Variants in PPP1CB observed in about 807,000 individuals in gnomAD.
The protein encoded by PPP1CB is protein phosphatase 1 catalytic subunit beta, also known as serine/threonine-protein phosphatase PP1-beta catalytic subunit.
PPP1CB carries 2 observed loss-of-function variants against 43.7 expected under a neutral mutation model. The observed-to-expected ratio is 0.05, with a 90% CI of 0.02 to 0.14. PPP1CB has a LOEUF of 0.14. Ranked by LOEUF, PPP1CB falls within the 10% of genes least tolerant of loss-of-function variation. PPP1CB has a pLI of 1.00. For missense variants in PPP1CB, 84 were observed against 398.0 expected (o/e 0.21, Z 6.71); for synonymous variants, 136 against 135.6 (o/e 1.00, Z -0.02).
Position 28,752,029 on chromosome 2 carries a change from G to A in PPP1CB, c.-96G>A, listed in dbSNP as rs997026989. The A allele has an allele frequency of 3.3e-5, 40 of 1,213,084 alleles. No homozygotes were observed. In the African/African-American group the frequency reaches 3.6e-4, roughly 11 times the overall value. The allele number at this position is 1,213,084 out of a possible 1,614,324, so 75.1% of individuals were successfully genotyped here. A position where few individuals can be genotyped will look rare whatever the true frequency, so the allele number is the denominator to read the frequency against. On this transcript the variant is annotated 5_prime_UTR_variant, in exon 1 of 8. Transcript: ENST00000395366. ...TGGAGCCGGGGTCGAAACGCCGCGT[G>A]ACTTGTAGGTGAGAGAACGCCGAGC...
chr2:28,752,199 G>A (rs1666314797), intron 1 of PPP1CB, 23 bp downstream of exon 1: 2 of 1,530,396 alleles, frequency 1.3e-6, no homozygotes, highest in Non-Finnish European at 1.8e-6. Flanking sequence ...CTGGCCGCGG[G>A]ACAGAGGGAG....
At chr2:28,773,312 T>G in intron 1 of PPP1CB, among the ~76,000 whole-genome samples, 1 of 152,134 alleles carries the variant, frequency 6.6e-6, no homozygotes, top group East Asian at 1.9e-4. Context: ...TCCAAAAATT[T>G]TATGTGGTGA....
intron 1 of PPP1CB, among the ~76,000 whole-genome samples, chr2:28,772,744 T>C (rs1023912980): frequency 1.3e-5 from 2 of 152,226 alleles, no homozygotes; most frequent in Admixed American, 1.3e-4. Flanking sequence ...GTATTTGTAT[T>C]ATACTTACCA....
At chr2:28,762,847 A>G (rs1265822899) in intron 1 of PPP1CB, among the ~76,000 whole-genome samples, 1 of 152,246 alleles carries the variant, frequency 6.6e-6, no homozygotes, top group Non-Finnish European at 1.5e-5. Flanking sequence ...TAATGTTACA[A>G]GATCTCATCA....
chr2:28,770,580 C>A (rs1666885044), intron 1 of PPP1CB, among the ~76,000 whole-genome samples: 1 of 151,712 alleles, frequency 6.6e-6, no homozygotes, highest in Non-Finnish European at 1.5e-5. Context: ...TAGTATAGGT[C>A]TAAAACTAAA....
At chr2:28,760,075 A>C (rs978621145) in intron 1 of PPP1CB, among the ~76,000 whole-genome samples, 1 of 152,188 alleles carries the variant, frequency 6.6e-6, no homozygotes, top group South Asian at 2.1e-4. Flanking sequence ...TGGAGGCGGA[A>C]TATAGTGTTA....
intron 1 of PPP1CB, among the ~76,000 whole-genome samples, chr2:28,762,549 G>A (rs144223120): frequency 4.3e-4 from 65 of 152,264 alleles, no homozygotes; most frequent in African/African-American, 1.5e-3. Context: ...TTTAATAGCT[G>A]TTCTAGATAA....
At chr2:28,769,723 A>T (rs183936319) in intron 1 of PPP1CB, among the ~76,000 whole-genome samples, 1 of 152,340 alleles carries the variant, frequency 6.6e-6, no homozygotes, top group East Asian at 1.9e-4. Context: ...CGACAACTGT[A>T]GAACAAAAGG....
chr2:28,752,498 CGTG>C (rs1196289482), intron 1 of PPP1CB, among the ~76,000 whole-genome samples: 1 of 152,190 alleles, frequency 6.6e-6, no homozygotes, highest in Non-Finnish European at 1.5e-5. Flanking sequence ...CTCCGCGCGC[CGTG>C]GTGCTCGCCT....
At chr2:28,783,850 T>G in intron 4 of PPP1CB, 57 bp from the exon 5 acceptor site, 3 of 1,160,146 alleles carry the variant, frequency 2.6e-6, no homozygotes, top group Non-Finnish European at 3.9e-6. Flanking sequence ...ATTCGGTGAC[T>G]GTTAAAATAT....
At chr2:28,786,447 G>A (rs1667267334) in intron 5 of PPP1CB, among the ~76,000 whole-genome samples, 1 of 152,094 alleles carries the variant, frequency 6.6e-6, no homozygotes, top group South Asian at 2.1e-4. Context: ...TAAGGTTAAA[G>A]AATTCCAGAT....
chr2:28,760,030 A>G (rs1666605719), intron 1 of PPP1CB, among the ~76,000 whole-genome samples: 1 of 152,152 alleles, frequency 6.6e-6, no homozygotes, highest in South Asian at 2.1e-4. Context: ...GGCTCCATGC[A>G]TGTTACTGCC....
At chr2:28,774,711 C>T (rs1258335607) in intron 1 of PPP1CB, among the ~76,000 whole-genome samples, 1 of 152,182 alleles carries the variant, frequency 6.6e-6, no homozygotes, top group East Asian at 1.9e-4. Context: ...CAGGCATGAG[C>T]CACCGCACCT....
chr2:28,767,345 T>C (rs1334792288), intron 1 of PPP1CB, among the ~76,000 whole-genome samples: 1 of 152,122 alleles, frequency 6.6e-6, no homozygotes, highest in Non-Finnish European at 1.5e-5. Context: ...TCTGGTAACA[T>C]CAGTATATGT....
intron 5 of PPP1CB, among the ~76,000 whole-genome samples, chr2:28,786,145 C>T (rs1271598040): frequency 6.6e-6 from 1 of 152,216 alleles, no homozygotes; most frequent in South Asian, 2.1e-4. Flanking sequence ...CAGAATTTCA[C>T]TCTTGTCGCC....
intron 7 of PPP1CB, 26 bp downstream of exon 7, chr2:28,794,023 G>T: frequency 6.5e-7 from 1 of 1,547,934 alleles, no homozygotes; most frequent in Non-Finnish European, 8.8e-7. Flanking sequence ...AAATATATAA[G>T]AACTAGAAAT....
intron 1 of PPP1CB, among the ~76,000 whole-genome samples, chr2:28,769,972 A>G (rs541617886): frequency 6.6e-6 from 1 of 152,216 alleles, no homozygotes; most frequent in Admixed American, 6.5e-5. Context: ...ATTAAATGTA[A>G]AAGGAGCAAA....
At chr2:28,798,343 CCT>C (rs1667538433) in intron 7 of PPP1CB, among the ~76,000 whole-genome samples, 1 of 152,030 alleles carries the variant, frequency 6.6e-6, no homozygotes, top group Admixed American at 6.6e-5. Flanking sequence ...AGCAGTTTTA[CCT>C]CTAGGTATAT....
At chr2:28,771,040 T>TTCCCCCCCCCCCC (rs1666898250) in intron 1 of PPP1CB, among the ~76,000 whole-genome samples, 1 of 69,994 alleles carries the variant, frequency 1.4e-5, no homozygotes, top group African/African-American at 5.2e-5. Flanking sequence ...TATTCCCTGC[T>TTCCCCCCCCCCCC]CCCCCCCCCC....
Sources: allele counts gnomAD v4.1 joint callset (sites outside exome capture counted in the v4.1 genomes callset), GRCh38; gene constraint gnomAD v4.1.1; transcripts MANE v1.5; gene names NCBI Gene and HGNC (gene_info 2026-07-23, HGNC 2026-07-21).